Variants in PFDN1 observed in about 807,000 individuals in gnomAD.
PFDN1 encodes prefoldin 1.
Under a neutral mutation model 17.3 loss-of-function variants are expected in PFDN1, and 6 were observed. The observed-to-expected ratio is 0.35, with a 90% confidence interval of 0.19 to 0.69. The LOEUF is 0.69. Ranked by LOEUF, PFDN1 falls within the 30% of genes least tolerant of loss-of-function variation. The pLI, the probability that PFDN1 is intolerant of heterozygous loss-of-function variation, is 0.65. For missense variants in PFDN1, 113 were observed against 146.2 expected (o/e 0.77, Z 1.17); for synonymous variants, 58 against 50.1 (o/e 1.16, Z -0.67).
At chr5:140,261,885 T>C (rs1370024582) in intron 3 of PFDN1, among the ~76,000 whole-genome samples, 1 of 151,910 alleles carries the variant, frequency 6.6e-6, no homozygotes, top group Non-Finnish European at 1.5e-5. Context: ...CACTTCTCCA[T>C]CCAGGGTGAT....
chr5:140,249,429 T>A (rs1764880450), intron 3 of PFDN1, among the ~76,000 whole-genome samples: 1 of 152,216 alleles, frequency 6.6e-6, no homozygotes, highest in Non-Finnish European at 1.5e-5. Context: ...ATAAGTATGA[T>A]CCTAGCTTAT....
chr5:140,290,187 G>A (rs765122212), intron 2 of PFDN1, among the ~76,000 whole-genome samples: 20 of 152,094 alleles, frequency 1.3e-4, no homozygotes, highest in Non-Finnish European at 2.2e-4. Context: ...TGAGTTCTAG[G>A]CTGAATCTTG....
intron 3 of PFDN1, among the ~76,000 whole-genome samples, chr5:140,259,688 G>C (rs1429039075): frequency 1.3e-5 from 2 of 152,200 alleles, no homozygotes; most frequent in East Asian, 3.8e-4. Flanking sequence ...TGCCTGCTGA[G>C]AGAGGAAGTA....
chr5:140,286,485 T>A (rs992791093), intron 2 of PFDN1, among the ~76,000 whole-genome samples: 5 of 150,290 alleles, frequency 3.3e-5, no homozygotes, highest in African/African-American at 4.9e-5. Flanking sequence ...AAAAAATATG[T>A]AAAATAAAAA....
chr5:140,246,258 G>C (rs1468298526), intron 3 of PFDN1, among the ~76,000 whole-genome samples: 3 of 152,216 alleles, frequency 2.0e-5, no homozygotes, highest in Admixed American at 1.3e-4. Context: ...GCAGCAGGGA[G>C]AAGATGGCTT....
Position 140,245,423 on chromosome 5 carries a change from T to G in PFDN1, c.*551A>C, listed in dbSNP as rs1387555856. 5.7e-6 allele frequency: 4 copies of G among 702,336 alleles called. No homozygotes were observed. Among genetic ancestry groups the G allele is most frequent in the Non-Finnish European group, 1.0e-5 (4 of 384,908 alleles). The allele number at this position is 702,336 out of a possible 1,614,324, so 43.5% of individuals were successfully genotyped here. A position where few individuals can be genotyped will look rare whatever the true frequency, so the allele number is the denominator to read the frequency against. On this transcript the variant is annotated 3_prime_UTR_variant, in exon 4 of 4. Coordinates refer to ENST00000261813, the MANE Select transcript of PFDN1 (RefSeq NM_002622.5). ...GTTCACTGAGATTCAGCTGTGAACA[T>G]CTGTTCTTTCTTCCTCTTCTGTCTA...
At chr5:140,285,608 A>G (rs1198525884) in intron 2 of PFDN1, among the ~76,000 whole-genome samples, 2 of 152,122 alleles carry the variant, frequency 1.3e-5, no homozygotes, top group East Asian at 3.8e-4. Flanking sequence ...GGCATAATGA[A>G]GAGTAGATAC....
chr5:140,285,014 C>T (rs912911699), intron 2 of PFDN1, among the ~76,000 whole-genome samples: 13 of 152,132 alleles, frequency 8.5e-5, no homozygotes, highest in African/African-American at 2.9e-4. Context: ...GAATCAAAAC[C>T]ATTGTTCACC....
intron 3 of PFDN1, among the ~76,000 whole-genome samples, chr5:140,270,882 C>T (rs531260776): frequency 7.2e-4 from 110 of 151,986 alleles, no homozygotes; most frequent in African/African-American, 2.4e-3. Flanking sequence ...GCCAAGATTG[C>T]GCCACTGCAC....
chr5:140,298,386 T>C (rs1366429719), intron 2 of PFDN1, among the ~76,000 whole-genome samples: 6 of 151,512 alleles, frequency 4.0e-5, no homozygotes, highest in Admixed American at 3.3e-4. Flanking sequence ...AACTAAAAGA[T>C]CTCCAAATCT....
chr5:140,283,079 A>C (rs1179503990), intron 2 of PFDN1, among the ~76,000 whole-genome samples: 1 of 152,224 alleles, frequency 6.6e-6, no homozygotes, highest in East Asian at 1.9e-4. Context: ...GTAAAAACAG[A>C]CCAAAAAGGG....
chr5:140,285,062 A>C (rs963284418), intron 2 of PFDN1, among the ~76,000 whole-genome samples: 1 of 152,230 alleles, frequency 6.6e-6, no homozygotes, highest in Non-Finnish European at 1.5e-5. Flanking sequence ...GCACTGCTGC[A>C]TTTTGGACAC....
rs181925007 is a variant in PFDN1 at position 140,273,583 on chromosome 5, T to C, written c.285+7866A>G. 2.6e-5 allele frequency among the ~76,000 whole-genome samples: 4 copies of C among 152,312 alleles called. No individual in the cohort carries two copies. In the East Asian group the frequency reaches 7.7e-4, roughly 29 times the overall value. On this transcript the variant is annotated intron_variant, in intron 3 of 3. Transcript: ENST00000261813. Reference sequence around the variant, plus strand: ...CTCTCGCCGCCATTCTTCCTATTTATTTCAGGAACCACTGTCTGACCAAAA... The same window carrying C: ...CTCTCGCCGCCATTCTTCCTATTTACTTCAGGAACCACTGTCTGACCAAAA...
chr5:140,257,336 CT>C (rs1202786989), intron 3 of PFDN1, among the ~76,000 whole-genome samples: 1 of 152,188 alleles, frequency 6.6e-6, no homozygotes, highest in Non-Finnish European at 1.5e-5. Flanking sequence ...AACCCCTCCA[CT>C]TCATTACTAC....
intron 2 of PFDN1, among the ~76,000 whole-genome samples, chr5:140,287,940 C>A (rs1484836659): frequency 1.3e-5 from 2 of 152,216 alleles, no homozygotes; most frequent in African/African-American, 2.4e-5. Flanking sequence ...ACACCATATG[C>A]CGATGAAGCT....
In PFDN1 at chr5:140,275,160, G is replaced by A. The variant is rs916743258; in HGVS notation, c.285+6289C>T. 3.3e-5 allele frequency among the ~76,000 whole-genome samples: 5 copies of A among 152,114 alleles called. No homozygotes were observed. In the South Asian group the frequency reaches 8.3e-4, roughly 25 times the overall value. On this transcript the variant is annotated intron_variant, in intron 3 of 3. Transcript: ENST00000261813. ...GCGGTGGCTCACACCTGTAATCCCA[G>A]CACTTTGGGAGGCCAAGGCAGGCAG... is the stretch of plus-strand genomic sequence containing the variant.
chr5:140,302,873 C>T (rs567250033), intron 1 of PFDN1, among the ~76,000 whole-genome samples, 168 bp downstream of exon 1: 4 of 152,270 alleles, frequency 2.6e-5, no homozygotes, highest in African/African-American at 7.2e-5. Flanking sequence ...GCTCGCCCCC[C>T]ACCCCGTTTA....
chr5:140,277,822 A>G (rs913084566), intron 3 of PFDN1, among the ~76,000 whole-genome samples: 1 of 152,212 alleles, frequency 6.6e-6, no homozygotes, highest in Non-Finnish European at 1.5e-5. Context: ...AAAAACAGGT[A>G]AAGAGAAAAG....
chr5:140,267,423 A>G (rs1416876773), intron 3 of PFDN1, among the ~76,000 whole-genome samples: 1 of 152,234 alleles, frequency 6.6e-6, no homozygotes, highest in Non-Finnish European at 1.5e-5. Flanking sequence ...CAACCGCTGA[A>G]TCCGAGCATG....
Sources: allele counts gnomAD v4.1 joint callset (sites outside exome capture counted in the v4.1 genomes callset), GRCh38; gene constraint gnomAD v4.1.1; transcripts MANE v1.5; gene names NCBI Gene and HGNC (gene_info 2026-07-23, HGNC 2026-07-21).